ARHGAP8: variants seen among roughly 807,000 people sequenced by gnomAD.
The protein encoded by ARHGAP8 is Rho GTPase activating protein 8.
A neutral mutation model predicts 46.1 loss-of-function variants in ARHGAP8; 62 were observed. The observed-to-expected ratio is 1.34, with a 90% CI of 1.10 to 1.66. The LOEUF (loss-of-function observed/expected upper bound fraction) is 1.66, where lower values mean the gene tolerates loss of function less well. Ranked by LOEUF, ARHGAP8 falls within the 40% of genes most tolerant of loss-of-function variation. ARHGAP8 has a pLI of 0.00. For missense variants in ARHGAP8, 923 were observed against 568.4 expected, an observed-to-expected ratio of 1.62 and a Z score of -6.34; for synonymous variants, 375 against 243.1, an observed-to-expected ratio of 1.54 and a Z score of -5.05.
chr22:44,786,403 A>T (rs1927237010), intron 1 of ARHGAP8, 54 bp from the exon 2 acceptor site: 5 of 1,536,786 alleles, frequency 3.3e-6, no homozygotes, highest in Non-Finnish European at 4.4e-6. Context: ...AGGCTCCCTC[A>T]TTCCCCGCCT....
intron 2 of ARHGAP8, among the ~76,000 whole-genome samples, chr22:44,800,260 C>T (rs1052328837): frequency 2.6e-5 from 4 of 152,022 alleles, no homozygotes; most frequent in Admixed American, 2.0e-4. Flanking sequence ...TGTGCCACCA[C>T]GCCTGGCTAA....
At position 44,849,053 on chromosome 22, in the gene ARHGAP8, G is replaced by C. The variant is rs1490952595; in HGVS notation, c.870G>C (p.Gly290=). ...LTFQAYEQIL[G]ITCVESSLRV... is the part of the protein sequence containing the mutation. ...TCCAGGCCTACGAGCAGATTCTCGG[G>C]ATCACCTGTGCGTAGCTGCCCTGGC... is the stretch of plus-strand genomic sequence containing the variant. Residue 290 remains glycine (G), a synonymous_variant, in exon 10 of 12, where the codon GGG becomes GGC. Transcript: ENST00000356099. The C allele has an allele frequency of 1.2e-6, 2 of 1,613,752 alleles. No homozygotes were observed. Among genetic ancestry groups the C allele is most frequent in the Non-Finnish European group, 1.7e-6 (2 of 1,179,968 alleles).
chr22:44,858,634 G>A lies in ARHGAP8; in HGVS notation c.878-1097G>A, dbSNP rs550234647. ...GATGTGCCTGCCTCGGCCTCCCAAA[G>A]TGTTGGGATTACAGGCATGAGCCAC... On this transcript the variant is annotated intron_variant, in intron 10 of 11. Transcript: ENST00000356099. Among the ~76,000 whole-genome samples the A allele has an allele frequency of 3.4e-3, 498 of 146,170 alleles. 7 individuals are homozygous for A. The highest frequency in any genetic ancestry group is 0.012 in the African/African-American group (473 of 39,592).
At chr22:44,812,322 C>T (rs1212132004) in intron 4 of ARHGAP8, among the ~76,000 whole-genome samples, 1 of 151,548 alleles carries the variant, frequency 6.6e-6, no homozygotes, top group African/African-American at 2.4e-5. Flanking sequence ...CTGCCCCCCG[C>T]CCCGCCCCTC....
intron 2 of ARHGAP8, among the ~76,000 whole-genome samples, chr22:44,796,827 A>G (rs1419091260): frequency 6.6e-6 from 1 of 152,172 alleles, no homozygotes; most frequent in Non-Finnish European, 1.5e-5. Flanking sequence ...CATTCTAGCA[A>G]ATTATCAAAT....
chr22:44,788,446 T>G (rs562347512), intron 2 of ARHGAP8, among the ~76,000 whole-genome samples: 420 of 151,910 alleles, frequency 2.8e-3, no homozygotes, highest in African/African-American at 9.7e-3. Flanking sequence ...AGACAGGGTG[T>G]CACTCTGTTG....
chr22:44,857,251 TTC>T (rs1403013646), intron 10 of ARHGAP8, among the ~76,000 whole-genome samples: 11 of 152,124 alleles, frequency 7.2e-5, no homozygotes, highest in African/African-American at 2.7e-4. Context: ...TGAGTAAGAA[TTC>T]TTTCTTTTGG....
chr22:44,848,105 C>T, intron 9 of ARHGAP8, 55 bp downstream of exon 9: 1 of 1,593,604 alleles, frequency 6.3e-7, no homozygotes, highest in Non-Finnish European at 8.5e-7. Context: ...GAGCACAGCG[C>T]TCCGGGGCCT....
At chr22:44,849,088 G>A (rs2070033239) in intron 10 of ARHGAP8, 28 bp downstream of exon 10, 1 of 1,612,442 alleles carries the variant, frequency 6.2e-7, no homozygotes, top group Non-Finnish European at 8.5e-7. Flanking sequence ...CGCAGGGGTG[G>A]GGGGCTTGGT....
intron 1 of ARHGAP8, among the ~76,000 whole-genome samples, chr22:44,762,560 T>C (rs1313318558): frequency 6.7e-6 from 1 of 149,414 alleles, no homozygotes; most frequent in African/African-American, 2.4e-5. Context: ...TTTTTTTTTT[T>C]TGAGATGGAG....
Position 44,779,044 on chromosome 22 carries a change from G to A in ARHGAP8, c.-71-7413G>A, listed in dbSNP as rs8140780. On this transcript the variant is annotated intron_variant, in intron 1 of 11. Transcript: ENST00000356099. The stretch of plus-strand genomic sequence containing the variant: ...AGATCAGGAATCTTGGAATGGATAC[G>A]TAACGAAAAGCAGAAAGTGGAATTG... Among the ~76,000 whole-genome samples the A allele has an allele frequency of 3.1e-3, 476 of 151,228 alleles. 1 individual carries two copies. Among genetic ancestry groups the A allele is most frequent in the African/African-American group, 0.011 (437 of 41,258 alleles).
chr22:44,797,469 C>T (rs1037519515), intron 2 of ARHGAP8, among the ~76,000 whole-genome samples: 11 of 152,128 alleles, frequency 7.2e-5, no homozygotes, highest in Non-Finnish European at 1.2e-4. Flanking sequence ...AGATTTTGTG[C>T]CTGAAAACTC....
chr22:44,847,700 A>C (rs1158348142), intron 8 of ARHGAP8, among the ~76,000 whole-genome samples: 1 of 152,220 alleles, frequency 6.6e-6, no homozygotes, highest in Admixed American at 6.5e-5. Context: ...AGAGAGGCCG[A>C]GAGCTTTCTC....
intron 7 of ARHGAP8, among the ~76,000 whole-genome samples, chr22:44,833,631 G>A: frequency 6.6e-6 from 1 of 152,020 alleles, no homozygotes; most frequent in Admixed American, 6.6e-5. Flanking sequence ...TCATTTTCTT[G>A]TCTTATGATA....
intron 1 of ARHGAP8, among the ~76,000 whole-genome samples, chr22:44,781,760 G>A (rs1296354459): frequency 6.6e-6 from 1 of 152,110 alleles, no homozygotes; most frequent in East Asian, 1.9e-4. Flanking sequence ...CCTGACCTCA[G>A]GTGATCCACA....
At chr22:44,845,463 C>T (rs2069931200) in intron 8 of ARHGAP8, 121 bp downstream of exon 8, 2 of 1,345,358 alleles carry the variant, frequency 1.5e-6, no homozygotes, top group Non-Finnish European at 2.1e-6. Context: ...GGGAGGGGCT[C>T]AAGCACAGTG....
At chr22:44,774,823 T>G (rs1926303829) in intron 1 of ARHGAP8, among the ~76,000 whole-genome samples, 1 of 151,512 alleles carries the variant, frequency 6.6e-6, no homozygotes, top group South Asian at 2.1e-4. Flanking sequence ...TGCCTGGCCT[T>G]TTTTTGGAGG....
intron 1 of ARHGAP8, among the ~76,000 whole-genome samples, chr22:44,758,544 C>G (rs1924869452): frequency 1.3e-5 from 2 of 152,032 alleles, no homozygotes; most frequent in South Asian, 4.2e-4. Flanking sequence ...TTGAATTGGA[C>G]TTTAGCCAAT....
At chr22:44,847,848 G>A in intron 8 of ARHGAP8, 125 bp from the exon 9 acceptor site, 1 of 1,252,910 alleles carries the variant, frequency 8.0e-7, no homozygotes, top group South Asian at 1.4e-5. Flanking sequence ...AGGATTTGAG[G>A]AACAAATAAA....
Sources: gnomAD v4.1 joint callset for allele counts (sites outside exome capture counted in the v4.1 genomes callset) on GRCh38, gnomAD v4.1.1 for gene constraint, MANE v1.5 for transcripts, NCBI Gene and HGNC (gene_info 2026-07-23, HGNC 2026-07-21) for gene names.